The following MET variants were observed in gnomAD, a reference collection of about 807,000 sequenced individuals.
MET encodes the protein hepatocyte growth factor receptor.
In MET, 48 loss-of-function variants were observed where a neutral mutation model predicts 133.1. The ratio of observed to expected loss-of-function variants is 0.36; its 90% CI spans 0.29 to 0.46. MET has a LOEUF of 0.46. MET is among the 20% of genes least tolerant of loss of function. The pLI is 1.00. For synonymous variants in MET, 628 were observed against 616.5 expected (o/e 1.02, Z -0.28); for missense variants, 1,442 against 1,695.9 (o/e 0.85, Z 2.63).
intron 2 of MET, chr7:116,724,848 G>A: frequency 9.3e-6 from 12 of 1,288,638 alleles, no homozygotes; most frequent in Non-Finnish European, 1.2e-5. Context: ...TGCACTGAAG[G>A]TAATGTGAAC....
rs1795737760 is a variant in MET at position 116,798,275 on chromosome 7, A to C, written c.*2151A>C. 3 of 205,964 alleles carry C rather than the reference A, an allele frequency of 1.5e-5. No individual in the cohort carries two copies. The Admixed American group carries it at 1.8e-4, about 12-fold the overall frequency. 12.8% of individuals were successfully genotyped at this position (205,964 alleles called of 1,614,324 possible). On this transcript the variant is annotated 3_prime_UTR_variant, in exon 21 of 21. Coordinates refer to ENST00000397752, the MANE Select transcript of MET (RefSeq NM_000245.4). ...TGTGGGAGTAAGTGATTCTTCTAAGAATTAGATACTTGTCACTGCCTATAC... is the reference window on the plus strand; with the variant it reads ...TGTGGGAGTAAGTGATTCTTCTAAGCATTAGATACTTGTCACTGCCTATAC...
intron 1 of MET, among the ~76,000 whole-genome samples, chr7:116,698,845 T>C (rs911571952): frequency 6.6e-6 from 1 of 152,214 alleles, no homozygotes; most frequent in African/African-American, 2.4e-5. Flanking sequence ...TCAATGGTTC[T>C]CTAAAATTAT....
At position 116,709,252 on chromosome 7, in the gene MET, C is replaced by T. The variant is rs551885186; in HGVS notation, c.1200+8968C>T. Reference sequence around the variant, plus strand: ...GTTCATCTATACATATTTAATCACACAAATATCTAAATAAGTTTATGTCTT... The same window carrying T: ...GTTCATCTATACATATTTAATCACATAAATATCTAAATAAGTTTATGTCTT... On this transcript the variant is annotated intron_variant, in intron 2 of 20. Transcript: ENST00000397752. Among the ~76,000 whole-genome samples, 114 of 152,330 alleles carry T rather than the reference C, an allele frequency of 7.5e-4. 2 individuals are homozygous for T. The South Asian group carries it at 0.015, about 20-fold the overall frequency.
At chr7:116,715,650 G>A (rs969394405) in intron 2 of MET, among the ~76,000 whole-genome samples, 1 of 152,146 alleles carries the variant, frequency 6.6e-6, no homozygotes, top group Non-Finnish European at 1.5e-5. Flanking sequence ...TTCTGGCACT[G>A]GATTCATTTC....
intron 19 of MET, among the ~76,000 whole-genome samples, chr7:116,794,804 A>G (rs925450383): frequency 1.3e-5 from 2 of 152,206 alleles, no homozygotes; most frequent in Non-Finnish European, 2.9e-5. Context: ...TCCTCGTGTC[A>G]TTCTTGCATG....
intron 1 of MET, among the ~76,000 whole-genome samples, chr7:116,676,075 G>A (rs775848964): frequency 7.2e-5 from 11 of 152,152 alleles, no homozygotes; most frequent in South Asian, 4.1e-4. Flanking sequence ...AAAAAATCAC[G>A]TGTGGCATTT....
intron 2 of MET, among the ~76,000 whole-genome samples, chr7:116,712,947 T>C (rs770025886): frequency 3.9e-5 from 6 of 152,174 alleles, no homozygotes; most frequent in African/African-American, 1.4e-4. Flanking sequence ...GAGCGGGTGA[T>C]ACCATCTGTA....
intron 2 of MET, among the ~76,000 whole-genome samples, chr7:116,731,444 G>A (rs1434320249): frequency 6.6e-6 from 1 of 152,164 alleles, no homozygotes; most frequent in Non-Finnish European, 1.5e-5. Flanking sequence ...ATTGAACCAT[G>A]GTGTGAATTG....
intron 1 of MET, among the ~76,000 whole-genome samples, chr7:116,672,802 C>T (rs987718318): frequency 9.3e-5 from 14 of 151,268 alleles, no homozygotes; most frequent in African/African-American, 3.4e-4. Flanking sequence ...ACCTGTATGA[C>T]TTAGGAGGGA....
chr7:116,683,989 C>G (rs1291274502), intron 1 of MET, among the ~76,000 whole-genome samples: 1 of 152,110 alleles, frequency 6.6e-6, no homozygotes, highest in Non-Finnish European at 1.5e-5. Context: ...ACAAACCGCT[C>G]TCTCTCACTT....
chr7:116,775,153 A>G (rs1414312808), intron 15 of MET, 42 bp downstream of exon 15: 1 of 1,592,134 alleles, frequency 6.3e-7, no homozygotes, highest in South Asian at 1.1e-5. Flanking sequence ...ACGATTTTCC[A>G]GTAAGCATTT....
At chr7:116,682,106 T>A (rs1796382021) in intron 1 of MET, among the ~76,000 whole-genome samples, 1 of 152,222 alleles carries the variant, frequency 6.6e-6, no homozygotes, top group Admixed American at 6.5e-5. Context: ...CCAGTGATTT[T>A]AAACATTCTT....
Position 116,796,202 on chromosome 7 carries a change from A to G in MET, c.*78A>G. On this transcript the variant is annotated 3_prime_UTR_variant, in exon 21 of 21. Transcript: ENST00000397752. Reference sequence around the variant, plus strand: ...CTGCCTGACCTTTAAAAGGCCATCGATATTCTTTGCTCTTGCCAAAATTGC... The same window carrying G: ...CTGCCTGACCTTTAAAAGGCCATCGGTATTCTTTGCTCTTGCCAAAATTGC... The G allele has an allele frequency of 7.3e-7, 1 of 1,366,446 alleles. No individual in the cohort carries two copies. The highest frequency in any genetic ancestry group is 2.3e-5 in the East Asian group (1 of 43,780). The allele number at this position is 1,366,446 out of a possible 1,614,324, so 84.6% of individuals were successfully genotyped here.
intron 19 of MET, among the ~76,000 whole-genome samples, chr7:116,786,105 C>T (rs985632681): frequency 2.6e-5 from 4 of 152,246 alleles, no homozygotes; most frequent in Non-Finnish European, 4.4e-5. Context: ...AGGATGTCAG[C>T]ATGGTTGGGC....
At chr7:116,771,744 T>A (rs1584955164) in intron 13 of MET, 90 bp downstream of exon 13, 1 of 1,607,180 alleles carries the variant, frequency 6.2e-7, no homozygotes, top group East Asian at 2.2e-5. Flanking sequence ...GTGTGCTGTC[T>A]TATATGTAGT....
rs149713628 is a variant in MET at position 116,797,348 on chromosome 7, C to T, written c.*1224C>T. The T allele has an allele frequency of 1.4e-3, 323 of 228,034 alleles. No individual in the cohort carries two copies. The highest frequency in any genetic ancestry group is 3.9e-3 in the Admixed American group (68 of 17,554). The allele number at this position is 228,034 out of a possible 1,614,324, so 14.1% of individuals were successfully genotyped here. A position where few individuals can be genotyped will look rare whatever the true frequency, so the allele number is the denominator to read the frequency against. On this transcript the variant is annotated 3_prime_UTR_variant, in exon 21 of 21. Coordinates refer to ENST00000397752, the MANE Select transcript of MET (RefSeq NM_000245.4). Reference sequence around the variant, plus strand: ...GGATTGAAAAGATTAGCCTCTGTCTCGGTGGCAGGTTCCCACCTCGCAAGC... The same window carrying T: ...GGATTGAAAAGATTAGCCTCTGTCTTGGTGGCAGGTTCCCACCTCGCAAGC...
intron 15 of MET, among the ~76,000 whole-genome samples, chr7:116,775,551 C>A (rs1794967610): frequency 6.6e-6 from 1 of 151,930 alleles, no homozygotes; most frequent in South Asian, 2.1e-4. Context: ...TAAAAAAATA[C>A]AAAAATTAGC....
chr7:116,752,703 C>T (rs1254566448), intron 5 of MET, among the ~76,000 whole-genome samples: 2 of 152,200 alleles, frequency 1.3e-5, no homozygotes, highest in Non-Finnish European at 2.9e-5. Context: ...GCCCCAGTTG[C>T]GCAGCTCTCT....
At chr7:116,715,052 C>G (rs1792139908) in intron 2 of MET, among the ~76,000 whole-genome samples, 1 of 152,154 alleles carries the variant, frequency 6.6e-6, no homozygotes, top group Non-Finnish European at 1.5e-5. Flanking sequence ...TGAGGGCTTA[C>G]TAGACCAACA....
Sources: gnomAD v4.1 joint callset for allele counts (sites outside exome capture counted in the v4.1 genomes callset) on GRCh38, gnomAD v4.1.1 for gene constraint, MANE v1.5 for transcripts, NCBI Gene and HGNC (gene_info 2026-07-23, HGNC 2026-07-21) for gene names.